Variants in CHN2 observed in about 807,000 individuals in gnomAD.
The protein encoded by CHN2 is beta-chimaerin.
Under a neutral mutation model 56.3 loss-of-function variants are expected in CHN2, and 35 were observed. The ratio of observed to expected loss-of-function variants is 0.62; its 90% CI spans 0.47 to 0.82. CHN2 has a LOEUF of 0.82. CHN2 is among the 40% of genes least tolerant of loss of function. The pLI is 0.00. For synonymous variants in CHN2, 210 were observed against 212.8 expected, an observed-to-expected ratio of 0.99 and a Z score of 0.12; for missense variants, 491 against 580.5, an observed-to-expected ratio of 0.85 and a Z score of 1.58.
At chr7:29,242,523 C>T (rs28529582) in intron 1 of CHN2, among the ~76,000 whole-genome samples, 1 of 151,886 alleles carries the variant, frequency 6.6e-6, no homozygotes, top group Admixed American at 6.6e-5. Flanking sequence ...GAATGGGCTT[C>T]TCAGTTTTTT....
intron 11 of CHN2, among the ~76,000 whole-genome samples, chr7:29,508,060 A>G (rs1790807738): frequency 6.6e-6 from 1 of 152,218 alleles, no homozygotes; most frequent in South Asian, 2.1e-4. Flanking sequence ...CAAGCAGTAT[A>G]CTAGAACGTC....
intron 2 of CHN2, among the ~76,000 whole-genome samples, chr7:29,179,701 C>T (rs1199166521): frequency 1.3e-5 from 2 of 152,112 alleles, no homozygotes; most frequent in Non-Finnish European, 2.9e-5. Context: ...TTTTTTATTT[C>T]TCAAATTACA....
intron 2 of CHN2, among the ~76,000 whole-genome samples, chr7:29,162,401 C>G (rs1342331315): frequency 6.6e-6 from 1 of 152,158 alleles, no homozygotes; most frequent in Non-Finnish European, 1.5e-5. Flanking sequence ...GTGGCTCACA[C>G]CTGTAATCCC....
At position 29,188,295 on chromosome 7, in the gene CHN2, T is replaced by C. The variant is rs562083507; in HGVS notation, c.274+41335T>C. Reference sequence around the variant, plus strand: ...CATTTTAGAGACCAAGAATATAAGATTAAATAATTTGCTCAGGGTCACACA... The same window carrying C: ...CATTTTAGAGACCAAGAATATAAGACTAAATAATTTGCTCAGGGTCACACA... On this transcript the variant is annotated intron_variant, in intron 2 of 6. Transcript: ENST00000439384. 2.0e-5 allele frequency among the ~76,000 whole-genome samples: 3 copies of C among 152,270 alleles called. No homozygotes were observed. The South Asian group carries it at 6.2e-4, about 32-fold the overall frequency.
chr7:29,258,760 T>A (rs921414507), intron 1 of CHN2, among the ~76,000 whole-genome samples: 10 of 152,086 alleles, frequency 6.6e-5, no homozygotes, highest in African/African-American at 2.4e-4. Flanking sequence ...AAAAGAGAAA[T>A]CAGAACTTTA....
chr7:29,427,764 C>T (rs555428054), intron 6 of CHN2, among the ~76,000 whole-genome samples: 95 of 146,316 alleles, frequency 6.5e-4, no homozygotes, highest in Non-Finnish European at 1.2e-3. Flanking sequence ...TCAAGCAATT[C>T]TCCTGCCTAA....
At chr7:29,237,459 AT>A (rs1212605428) in intron 1 of CHN2, among the ~76,000 whole-genome samples, 4 of 150,232 alleles carry the variant, frequency 2.7e-5, no homozygotes, top group Non-Finnish European at 6.0e-5. Flanking sequence ...TATTCTGAAG[AT>A]TTCAGTTTTA....
At chr7:29,281,026 G>T (rs1791667013) in intron 1 of CHN2, among the ~76,000 whole-genome samples, 1 of 152,134 alleles carries the variant, frequency 6.6e-6, no homozygotes, top group South Asian at 2.1e-4. Context: ...TATATACATT[G>T]TATGATAAAA....
At chr7:29,360,245 G>T (rs1414163390) in intron 2 of CHN2, among the ~76,000 whole-genome samples, 1 of 152,184 alleles carries the variant, frequency 6.6e-6, no homozygotes, top group African/African-American at 2.4e-5. Flanking sequence ...ATTCTGGCCG[G>T]GTGCAGTGGC....
At chr7:29,484,037 T>G in intron 7 of CHN2, 1 of 509,372 alleles carries the variant, frequency 2.0e-6, no homozygotes, top group South Asian at 1.6e-5. Flanking sequence ...CTTGTATTTT[T>G]GTATCTAGCT....
intron 6 of CHN2, among the ~76,000 whole-genome samples, chr7:29,447,757 T>C (rs973641762): frequency 6.6e-6 from 1 of 152,176 alleles, no homozygotes; most frequent in African/African-American, 2.4e-5. Context: ...ATAGATAACA[T>C]GATATGTGAT....
intron 2 of CHN2, among the ~76,000 whole-genome samples, chr7:29,160,863 C>G (rs1335230085): frequency 6.6e-6 from 1 of 152,154 alleles, no homozygotes; most frequent in Non-Finnish European, 1.5e-5. Context: ...ATCATTGACA[C>G]TAGGTTGATA....
chr7:29,330,823 C>G (rs983239682), intron 1 of CHN2, among the ~76,000 whole-genome samples: 1 of 152,114 alleles, frequency 6.6e-6, no homozygotes, highest in Non-Finnish European at 1.5e-5. Flanking sequence ...ACGAAAGTCC[C>G]GTTGCATACA....
At chr7:29,429,269 T>G (rs74537798) in intron 6 of CHN2, among the ~76,000 whole-genome samples, 21 of 152,358 alleles carry the variant, frequency 1.4e-4, no homozygotes, top group African/African-American at 5.0e-4. Flanking sequence ...TGGCAGACAC[T>G]TATCTGAAAT....
At chr7:29,285,347 C>T (rs1792065882) in intron 1 of CHN2, among the ~76,000 whole-genome samples, 1 of 152,172 alleles carries the variant, frequency 6.6e-6, no homozygotes, top group Admixed American at 6.5e-5. Context: ...TCATGGAAGC[C>T]TTCTATTTTC....
At chr7:29,328,501 T>C (rs944420630) in intron 1 of CHN2, among the ~76,000 whole-genome samples, 14 of 152,152 alleles carry the variant, frequency 9.2e-5, no homozygotes, top group African/African-American at 3.4e-4. Flanking sequence ...AAAGAGGCTT[T>C]TATACCAACA....
intron 6 of CHN2, among the ~76,000 whole-genome samples, chr7:29,444,360 G>A (rs1024873191): frequency 1.3e-5 from 2 of 152,132 alleles, no homozygotes; most frequent in East Asian, 3.8e-4. Flanking sequence ...CTGCACGTTG[G>A]CCAGGGCTTT....
chr7:29,289,371 C>T (rs145012238), intron 1 of CHN2, among the ~76,000 whole-genome samples: 256 of 152,188 alleles, frequency 1.7e-3, no homozygotes, highest in African/African-American at 5.6e-3. Flanking sequence ...TGCATGGCCC[C>T]GTCACGTGCT....
intron 1 of CHN2, among the ~76,000 whole-genome samples, chr7:29,352,261 C>A (rs1052416013): frequency 6.6e-6 from 1 of 152,020 alleles, no homozygotes; most frequent in Non-Finnish European, 1.5e-5. Context: ...GTTGTGCTTG[C>A]GTCATAGAGT....
Sources: allele counts gnomAD v4.1 joint callset (sites outside exome capture counted in the v4.1 genomes callset), GRCh38; gene constraint gnomAD v4.1.1; transcripts MANE v1.5; gene names NCBI Gene and HGNC (gene_info 2026-07-23, HGNC 2026-07-21).